The following PTK2 variants were observed in gnomAD, a reference collection of about 807,000 sequenced individuals.
PTK2 encodes the protein protein tyrosine kinase 2.
In PTK2, 45 loss-of-function variants were observed where a neutral mutation model predicts 150.1. The ratio of observed to expected loss-of-function variants is 0.30; its 90% CI spans 0.24 to 0.38. The LOEUF (loss-of-function observed/expected upper bound fraction) is 0.38. Among genes scored for constraint, PTK2 ranks in the 10% least tolerant of loss-of-function variants. PTK2 has a pLI of 1.00. For synonymous variants in PTK2, 432 were observed against 449.2 expected, an observed-to-expected ratio of 0.96 and a Z score of 0.48; for missense variants, 919 against 1,307.3, an observed-to-expected ratio of 0.70 and a Z score of 4.58.
chr8:140,723,567 A>G (rs1416066821), intron 22 of PTK2, among the ~76,000 whole-genome samples: 1 of 152,254 alleles, frequency 6.6e-6, no homozygotes, highest in Non-Finnish European at 1.5e-5. Flanking sequence ...TGTGCAGAGT[A>G]TCAAGGAGGT....
intron 8 of PTK2, among the ~76,000 whole-genome samples, chr8:140,824,763 G>GT (rs1279519769): frequency 6.6e-6 from 1 of 152,198 alleles, no homozygotes; most frequent in Non-Finnish European, 1.5e-5. Flanking sequence ...TGCAGAACTT[G>GT]TTTAAGTAAA....
intron 1 of PTK2, among the ~76,000 whole-genome samples, chr8:140,996,052 GAC>G (rs781733837): frequency 3.3e-4 from 50 of 152,122 alleles, no homozygotes; most frequent in Non-Finnish European, 6.6e-4. Context: ...GCCACTGGGT[GAC>G]AGAGTGAGAC....
intron 3 of PTK2, among the ~76,000 whole-genome samples, chr8:140,884,284 G>C (rs1052632728): frequency 5.9e-5 from 9 of 152,156 alleles, no homozygotes; most frequent in African/African-American, 2.2e-4. Flanking sequence ...CTCGTGCTCT[G>C]TTAGCTTAGG....
At chr8:140,813,947 C>T (rs184851559) in intron 10 of PTK2, among the ~76,000 whole-genome samples, 51 of 152,004 alleles carry the variant, frequency 3.4e-4, no homozygotes, top group Middle Eastern at 3.4e-3. Context: ...CCTAAGTAAA[C>T]ACAACTAGAA....
chr8:140,733,004 G>C (rs909491171), intron 22 of PTK2, among the ~76,000 whole-genome samples: 1 of 152,198 alleles, frequency 6.6e-6, no homozygotes, highest in Non-Finnish European at 1.5e-5. Flanking sequence ...TGTTACTGTG[G>C]AAGCCTTTAC....
intron 1 of PTK2, among the ~76,000 whole-genome samples, chr8:140,936,578 A>G (rs77445341): frequency 6.6e-6 from 1 of 152,096 alleles, no homozygotes; most frequent in East Asian, 1.9e-4. Flanking sequence ...AAAAAAAAAA[A>G]GATCAGATCT....
At chr8:140,958,643 G>C (rs567159165) in intron 1 of PTK2, among the ~76,000 whole-genome samples, 1 of 152,320 alleles carries the variant, frequency 6.6e-6, no homozygotes, top group South Asian at 2.1e-4. Flanking sequence ...TGAGACGTAA[G>C]TGTAAAATAC....
At chr8:140,887,274 T>C (rs913624277) in intron 3 of PTK2, among the ~76,000 whole-genome samples, 9 of 152,160 alleles carry the variant, frequency 5.9e-5, no homozygotes, top group Admixed American at 2.0e-4. Context: ...GCTTCACACA[T>C]AAGCCAGTAA....
At chr8:140,767,296 T>A (rs915554280) in intron 14 of PTK2, among the ~76,000 whole-genome samples, 2 of 151,484 alleles carry the variant, frequency 1.3e-5, no homozygotes, top group East Asian at 1.9e-4. Flanking sequence ...GTACATAAAA[T>A]CTCTGGGGAT....
At chr8:140,721,304 A>C (rs548395591) in intron 22 of PTK2, among the ~76,000 whole-genome samples, 121 of 152,340 alleles carry the variant, frequency 7.9e-4, no homozygotes, top group African/African-American at 2.7e-3. Context: ...AAGACTGGCT[A>C]TCAATCAAAC....
intron 3 of PTK2, among the ~76,000 whole-genome samples, chr8:140,882,471 A>C (rs563618823): frequency 6.6e-6 from 1 of 152,354 alleles, no homozygotes; most frequent in African/African-American, 2.4e-5. Flanking sequence ...CTTTGAAGAC[A>C]CATCTATCTG....
chr8:140,856,278 G>A (rs1469718331), intron 5 of PTK2, among the ~76,000 whole-genome samples: 2 of 152,066 alleles, frequency 1.3e-5, no homozygotes, highest in Non-Finnish European at 2.9e-5. Flanking sequence ...TCAAAGGGTA[G>A]ATACAAATTT....
intron 14 of PTK2, among the ~76,000 whole-genome samples, chr8:140,765,904 C>A (rs2100072003): frequency 6.6e-6 from 1 of 152,186 alleles, no homozygotes; most frequent in Non-Finnish European, 1.5e-5. Flanking sequence ...GCAATCATTT[C>A]TCTTTTGATT....
chr8:140,973,446 A>G (rs2100188121), intron 1 of PTK2, among the ~76,000 whole-genome samples: 1 of 152,068 alleles, frequency 6.6e-6, no homozygotes, highest in Admixed American at 6.6e-5. Flanking sequence ...ATATACCCCT[A>G]AAATTCTAGA....
chr8:140,862,783 A>G (rs769427089), intron 5 of PTK2, among the ~76,000 whole-genome samples: 2 of 152,186 alleles, frequency 1.3e-5, no homozygotes, highest in Non-Finnish European at 2.9e-5. Context: ...TGAGAACCTA[A>G]GGCCTGATGA....
intron 1 of PTK2, among the ~76,000 whole-genome samples, chr8:140,981,410 A>C (rs1373054552): frequency 6.6e-6 from 1 of 152,148 alleles, no homozygotes; most frequent in Non-Finnish European, 1.5e-5. Flanking sequence ...CCTGTGGGGC[A>C]GGAGGGAAGG....
intron 29 of PTK2, among the ~76,000 whole-genome samples, chr8:140,673,839 T>C (rs2100012045): frequency 6.6e-6 from 1 of 152,210 alleles, no homozygotes; most frequent in South Asian, 2.1e-4. Flanking sequence ...CTACTCAGCA[T>C]ACATTGCTTT....
intron 4 of PTK2, among the ~76,000 whole-genome samples, chr8:140,871,050 T>G (rs902696229): frequency 6.6e-6 from 1 of 152,130 alleles, no homozygotes; most frequent in African/African-American, 2.4e-5. Flanking sequence ...AAAGAATTAT[T>G]TGGCCAAAAT....
chr8:140,684,272 A>G (rs909254426), intron 27 of PTK2, among the ~76,000 whole-genome samples: 6 of 152,230 alleles, frequency 3.9e-5, no homozygotes, highest in African/African-American at 9.6e-5. Flanking sequence ...ATCATCAGGC[A>G]TTAGAGTCTC....
Sources: allele counts gnomAD v4.1 joint callset (sites outside exome capture counted in the v4.1 genomes callset), GRCh38; gene constraint gnomAD v4.1.1; transcripts MANE v1.5; gene names NCBI Gene and HGNC (gene_info 2026-07-23, HGNC 2026-07-21).